Variants in ACAD9 observed in about 807,000 individuals in gnomAD.
ACAD9 encodes the protein complex I assembly factor ACAD9, mitochondrial.
A neutral mutation model predicts 70.2 loss-of-function variants in ACAD9; 53 were observed. The ratio of observed to expected loss-of-function variants is 0.75; its 90% CI spans 0.61 to 0.95. The LOEUF is 0.95. Among genes scored for constraint, ACAD9 ranks in the 40% least tolerant of loss-of-function variants. ACAD9 has a pLI of 0.00. For missense variants in ACAD9, 777 were observed against 802.8 expected, an observed-to-expected ratio of 0.97 and a Z score of 0.39; for synonymous variants, 313 against 312.1, an observed-to-expected ratio of 1.00 and a Z score of -0.03.
intron 3 of ACAD9, among the ~76,000 whole-genome samples, chr3:128,895,021 C>T (rs936443161): frequency 3.3e-5 from 5 of 151,744 alleles, no homozygotes; most frequent in Non-Finnish European, 5.9e-5. Flanking sequence ...GGACCACAGG[C>T]ACACACCACC....
intron 4 of ACAD9, 129 bp from the exon 5 acceptor site, chr3:128,896,307 T>G: frequency 4.9e-6 from 5 of 1,029,912 alleles, no homozygotes; most frequent in Non-Finnish European, 7.4e-6. Context: ...CTGTGGCCGC[T>G]TGCTCTGAGT....
chr3:128,898,319 T>A (rs945278001), intron 6 of ACAD9: 2 of 412,370 alleles, frequency 4.9e-6, no homozygotes, highest in Non-Finnish European at 9.5e-6. Context: ...TCAGCATGCC[T>A]CTCTAAAAGA....
At chr3:128,886,209 T>C (rs1024840125) in intron 2 of ACAD9, among the ~76,000 whole-genome samples, 2 of 150,984 alleles carry the variant, frequency 1.3e-5, no homozygotes, top group African/African-American at 2.4e-5. Flanking sequence ...TTCAAGTGAT[T>C]CTCCTGCCTC....
intron 2 of ACAD9, among the ~76,000 whole-genome samples, chr3:128,886,931 T>G (rs2107643218): frequency 6.6e-6 from 1 of 151,988 alleles, no homozygotes; most frequent in Admixed American, 6.6e-5. Flanking sequence ...ACATGCTTTT[T>G]GTTTGTTTGT....
At position 128,912,948 on chromosome 3, in the gene ACAD9, CCTGTGTCAGGTGTGGAT is replaced by C. The variant is rs753485707; in HGVS notation, c.*342_*358del. ...CTCCAGGGTGTGAGGTGGGTGGGGACCTGTGTCAGGTGTGGATAGCCATTTCTGCTCAACCACACATT... is the reference window on the plus strand; with the variant it reads ...CTCCAGGGTGTGAGGTGGGTGGGGACAGCCATTTCTGCTCAACCACACATT... On this transcript the variant is annotated 3_prime_UTR_variant, in exon 18 of 18. Coordinates refer to ENST00000308982, the MANE Select transcript of ACAD9 (RefSeq NM_014049.5). The C allele has an allele frequency of 2.4e-4, 120 of 506,460 alleles. No homozygotes were observed. Among genetic ancestry groups the C allele is most frequent in the Non-Finnish European group, 4.2e-4 (108 of 259,382 alleles). 31.4% of individuals were successfully genotyped at this position (506,460 alleles called of 1,614,324 possible).
intron 15 of ACAD9, 171 bp from the exon 16 acceptor site, chr3:128,909,850 C>T (rs1250331734): frequency 5.5e-6 from 5 of 905,450 alleles, no homozygotes; most frequent in Admixed American, 2.1e-5. Flanking sequence ...GAAGGGAAAA[C>T]AGAAGGTGGC....
At position 128,901,172 on chromosome 3, in the gene ACAD9, T is replaced by TTGGA. The variant is rs370353055; in HGVS notation, c.809-77_809-74dup. On this transcript the variant is annotated intron_variant, in intron 7 of 17. Coordinates refer to ENST00000308982, the MANE Select transcript of ACAD9 (RefSeq NM_014049.5). The stretch of plus-strand genomic sequence containing the variant: ...TCTTTCTATACTGTCCTACCAAACA[T>TTGGA]TGGATGGATGGATGGATGGATGGAT... 5.6e-4 allele frequency: 604 copies of TTGGA among 1,076,536 alleles called. 2 individuals carry two copies. Among genetic ancestry groups the TTGGA allele is most frequent in the African/African-American group, 2.4e-3 (155 of 63,308 alleles). The allele number at this position is 1,076,536 out of a possible 1,614,324, so 66.7% of individuals were successfully genotyped here. A position where few individuals can be genotyped will look rare whatever the true frequency, so the allele number is the denominator to read the frequency against.
chr3:128,910,382 T>C lies in ACAD9; in HGVS notation c.1692+233T>C, dbSNP rs1936141910. The C allele has an allele frequency of 2.1e-6, 3 of 1,449,690 alleles. No individual in the cohort carries two copies. In the South Asian group the frequency reaches 4.3e-5, roughly 21 times the overall value. The allele number at this position is 1,449,690 out of a possible 1,614,324, so 89.8% of individuals were successfully genotyped here. ...CAGGGGTTCCTGATCCCAGTGCCCC[T>C]ACCCCCAGCAAGGGACAGACCCTGC... On this transcript the variant is annotated intron_variant, in intron 16 of 17. Transcript: ENST00000308982.
At position 128,909,436 on chromosome 3, in the gene ACAD9, C is replaced by G. The variant is rs1269605991; in HGVS notation, c.1563+15C>G. The G allele has an allele frequency of 1.2e-6, 2 of 1,613,138 alleles. No individual in the cohort carries two copies. The highest frequency in any genetic ancestry group is 2.7e-5 in the African/African-American group (2 of 74,926). On this transcript the variant is annotated intron_variant, in intron 15 of 17. Coordinates refer to ENST00000308982, the MANE Select transcript of ACAD9 (RefSeq NM_014049.5). ...GCTTTGGCAAGGTAACCAGGCCCTCCCAGGCCTGGGTCGCAAGCGGTCCTC... is the reference window on the plus strand; with the variant it reads ...GCTTTGGCAAGGTAACCAGGCCCTCGCAGGCCTGGGTCGCAAGCGGTCCTC...
chr3:128,908,934 A>C lies in ACAD9; in HGVS notation c.1359-39A>C, dbSNP rs113446883. The C allele has an allele frequency of 4.3e-6, 7 of 1,613,884 alleles. No individual in the cohort carries two copies. The African/African-American group carries it at 6.7e-5, about 15-fold the overall frequency. On this transcript the variant is annotated intron_variant, in intron 13 of 17. Coordinates refer to ENST00000308982, the MANE Select transcript of ACAD9 (RefSeq NM_014049.5). ...ATGTTGCTGGACAGTGAGCGCCAGCAGCGAGGCCTCCAGTCACAGGACCAT... is the reference window on the plus strand; with the variant it reads ...ATGTTGCTGGACAGTGAGCGCCAGCCGCGAGGCCTCCAGTCACAGGACCAT...
At chr3:128,897,042 C>T (rs950282395) in intron 5 of ACAD9, among the ~76,000 whole-genome samples, 1 of 152,188 alleles carries the variant, frequency 6.6e-6, no homozygotes, top group African/African-American at 2.4e-5. Context: ...AGAACTCATC[C>T]TCACAGGACC....
At chr3:128,882,034 G>T (rs749930428) in intron 1 of ACAD9, among the ~76,000 whole-genome samples, 1 of 152,072 alleles carries the variant, frequency 6.6e-6, no homozygotes, top group Non-Finnish European at 1.5e-5. Context: ...CTTTTTCAGA[G>T]TTGGGGGCTT....
intron 16 of ACAD9, chr3:128,910,400 G>T: frequency 7.1e-7 from 1 of 1,409,344 alleles, no homozygotes; most frequent in Non-Finnish European, 9.4e-7. Context: ...GCAAGGGACA[G>T]ACCCTGCACA....
At chr3:128,886,580 T>C (rs1576330927) in intron 2 of ACAD9, among the ~76,000 whole-genome samples, 1 of 151,856 alleles carries the variant, frequency 6.6e-6, no homozygotes. Flanking sequence ...TGGTGGTACA[T>C]GCCTGTAATC....
At chr3:128,904,334 T>G in intron 10 of ACAD9, 52 bp from the exon 11 acceptor site, 1 of 1,614,124 alleles carries the variant, frequency 6.2e-7, no homozygotes, top group Non-Finnish European at 8.5e-7. Flanking sequence ...TTTCACAGAT[T>G]TGGCTCTCAG....
At chr3:128,887,574 C>G (rs894804158) in intron 2 of ACAD9, among the ~76,000 whole-genome samples, 5 of 150,438 alleles carry the variant, frequency 3.3e-5, no homozygotes, top group African/African-American at 1.2e-4. Flanking sequence ...TGCCATTGAG[C>G]TCCAGCCTGG....
At chr3:128,888,541 T>G (rs62268187) in intron 2 of ACAD9, among the ~76,000 whole-genome samples, 9,180 of 152,192 alleles carry the variant, frequency 0.06, 392 homozygotes, top group Non-Finnish European at 0.089. Context: ...ATGGCGCCAC[T>G]GCACTTCAGC....
intron 1 of ACAD9, 22 bp downstream of exon 1, chr3:128,879,863 C>T: frequency 6.2e-7 from 1 of 1,613,862 alleles, no homozygotes; most frequent in Non-Finnish European, 8.5e-7. Flanking sequence ...CCTGGGCGAA[C>T]CCTTGCTGTC....
intron 15 of ACAD9, 52 bp from the exon 16 acceptor site, chr3:128,909,969 T>G: frequency 6.2e-7 from 1 of 1,604,952 alleles, no homozygotes; most frequent in South Asian, 1.1e-5. Flanking sequence ...AGGGACCATG[T>G]GGGGGACTGG....
Sources: gnomAD v4.1 joint callset for allele counts (sites outside exome capture counted in the v4.1 genomes callset) on GRCh38, gnomAD v4.1.1 for gene constraint, MANE v1.5 for transcripts, NCBI Gene and HGNC (gene_info 2026-07-23, HGNC 2026-07-21) for gene names.